Variants in ROBO1 observed in about 807,000 individuals in gnomAD.
ROBO1 encodes roundabout homolog 1.
A neutral mutation model predicts 195.9 loss-of-function variants in ROBO1; 149 were observed. The observed-to-expected ratio is 0.76, with a 90% CI of 0.67 to 0.87. The LOEUF is 0.87. Ranked by LOEUF, ROBO1 falls within the 40% of genes least tolerant of loss-of-function variation. The pLI, the probability that ROBO1 is intolerant of heterozygous loss-of-function variation, is 0.00. For synonymous variants in ROBO1, 816 were observed against 733.2 expected, an observed-to-expected ratio of 1.11 and a Z score of -1.82; for missense variants, 1,933 against 2,068.3, an observed-to-expected ratio of 0.93 and a Z score of 1.27.
At chr3:79,674,881 A>G (rs1208453589) in intron 1 of ROBO1, among the ~76,000 whole-genome samples, 10 of 150,608 alleles carry the variant, frequency 6.6e-5, no homozygotes, top group Non-Finnish European at 1.2e-4. Context: ...TACAGAAATA[A>G]AGAAACATTA....
chr3:79,397,376 C>T (rs2037196349), intron 2 of ROBO1, among the ~76,000 whole-genome samples: 2 of 152,036 alleles, frequency 1.3e-5, no homozygotes, highest in Admixed American at 1.3e-4. Context: ...ATGATCAATA[C>T]ATTTTTCCAG....
chr3:79,119,196 G>A (rs541199478), intron 3 of ROBO1, among the ~76,000 whole-genome samples: 349 of 152,202 alleles, frequency 2.3e-3, no homozygotes, highest in Admixed American at 2.5e-3. Context: ...TAATTTTTAA[G>A]AAATAATTAA....
At chr3:78,830,996 T>A (rs1322969870) in intron 4 of ROBO1, among the ~76,000 whole-genome samples, 1 of 152,092 alleles carries the variant, frequency 6.6e-6, no homozygotes, top group East Asian at 1.9e-4. Flanking sequence ...CACTGCAACC[T>A]CTGCCTCCCG....
At chr3:78,721,461 T>C (rs1042125063) in intron 5 of ROBO1, among the ~76,000 whole-genome samples, 1 of 152,292 alleles carries the variant, frequency 6.6e-6, no homozygotes, top group Non-Finnish European at 1.5e-5. Context: ...CCGAGCCTCT[T>C]CTTATGCCTC....
rs76740996 is a variant in ROBO1, at chr3:79,010,559, C to A, written c.173-71632G>T. Among the ~76,000 whole-genome samples the A allele has an allele frequency of 4.9e-3, 739 of 152,138 alleles. 7 individuals are homozygous for A. The highest frequency in any genetic ancestry group is 0.017 in the African/African-American group (708 of 41,526). The stretch of plus-strand genomic sequence containing the variant: ...TTCAGGTTCCGTGTATACAACTGGG[C>A]CTATACTACTACATCGATCATCATT... On this transcript the variant is annotated intron_variant, in intron 3 of 30. Transcript: ENST00000464233.
intron 30 of ROBO1, 28 bp downstream of exon 30, chr3:78,600,085 G>T: frequency 6.4e-7 from 1 of 1,565,428 alleles, no homozygotes; most frequent in South Asian, 1.1e-5. Flanking sequence ...GTCTAACATT[G>T]GTAAACTTGG....
intron 3 of ROBO1, among the ~76,000 whole-genome samples, chr3:79,096,115 A>G (rs1171216311): frequency 6.6e-6 from 1 of 152,042 alleles, no homozygotes; most frequent in African/African-American, 2.4e-5. Context: ...TCAAAGTTGT[A>G]TTCATTTTAT....
At chr3:79,082,829 C>A (rs912159321) in intron 3 of ROBO1, among the ~76,000 whole-genome samples, 1 of 151,902 alleles carries the variant, frequency 6.6e-6, no homozygotes, top group African/African-American at 2.4e-5. Context: ...TGGAGAGAGG[C>A]AGGTTGATGG....
In ROBO1 at chr3:79,456,414, A is replaced by G. The variant is rs1359446774; in HGVS notation, c.88+133410T>C. Among the ~76,000 whole-genome samples the G allele has an allele frequency of 2.6e-5, 4 of 152,158 alleles. No individual in the cohort carries two copies. The South Asian group carries it at 8.3e-4, about 32-fold the overall frequency. ...TACTCAAATACAAAGTGTATCAAAT[A>G]AAAGTTCTGTGTGTTAGCAATGGAG... On this transcript the variant is annotated intron_variant, in intron 2 of 30. Transcript: ENST00000464233.
intron 26 of ROBO1, among the ~76,000 whole-genome samples, chr3:78,619,041 G>C (rs1553683682): frequency 6.6e-6 from 1 of 152,198 alleles, no homozygotes; most frequent in South Asian, 2.1e-4. Context: ...TAAATTAAAA[G>C]AGTGCCATCA....
At chr3:79,248,809 T>C (rs1204989310) in intron 2 of ROBO1, among the ~76,000 whole-genome samples, 1 of 151,990 alleles carries the variant, frequency 6.6e-6, no homozygotes, top group African/African-American at 2.4e-5. Context: ...GGTGTGGGGG[T>C]TGATGGAAAG....
intron 2 of ROBO1, among the ~76,000 whole-genome samples, chr3:79,497,459 T>A (rs940658800): frequency 2.0e-5 from 3 of 152,204 alleles, no homozygotes; most frequent in Non-Finnish European, 2.9e-5. Context: ...CTTGTAATTA[T>A]GGTAACTGGA....
intron 2 of ROBO1, among the ~76,000 whole-genome samples, chr3:79,525,410 C>T (rs1424158088): frequency 2.0e-5 from 3 of 149,378 alleles, no homozygotes; most frequent in Non-Finnish European, 4.4e-5. Flanking sequence ...ATTTCCAGCT[C>T]CTACCATACC....
intron 2 of ROBO1, among the ~76,000 whole-genome samples, chr3:79,303,795 G>C (rs2033093847): frequency 6.6e-6 from 1 of 151,982 alleles, no homozygotes; most frequent in South Asian, 2.1e-4. Context: ...AACCATCCCA[G>C]CCTCTGAGAA....
chr3:78,629,596 T>C (rs1025152203), intron 25 of ROBO1, among the ~76,000 whole-genome samples: 1 of 152,218 alleles, frequency 6.6e-6, no homozygotes, highest in South Asian at 2.1e-4. Flanking sequence ...CTTGGGAGGC[T>C]GAGATGGGAG....
chr3:79,707,345 C>T (rs1049617881), intron 1 of ROBO1, among the ~76,000 whole-genome samples: 1 of 152,044 alleles, frequency 6.6e-6, no homozygotes, highest in African/African-American at 2.4e-5. Flanking sequence ...GAGTTATGTC[C>T]CCTTTTTCCT....
intron 3 of ROBO1, among the ~76,000 whole-genome samples, chr3:78,967,800 A>G (rs1001688779): frequency 9.9e-5 from 15 of 152,216 alleles, no homozygotes; most frequent in African/African-American, 3.6e-4. Flanking sequence ...AACTTATAAG[A>G]AAAGATGGAT....
chr3:79,536,125 A>G (rs1315129128), intron 2 of ROBO1, among the ~76,000 whole-genome samples: 1 of 152,130 alleles, frequency 6.6e-6, no homozygotes, highest in African/African-American at 2.4e-5. Flanking sequence ...ATAGGTGAGA[A>G]TTTAATTTTT....
intron 2 of ROBO1, among the ~76,000 whole-genome samples, chr3:79,214,601 G>A (rs1362033800): frequency 4.0e-5 from 6 of 151,432 alleles, no homozygotes; most frequent in Admixed American, 2.0e-4. Context: ...GTTAACTTAG[G>A]GAAAAGAAAA....
Sources: allele counts gnomAD v4.1 joint callset (sites outside exome capture counted in the v4.1 genomes callset), GRCh38; gene constraint gnomAD v4.1.1; transcripts MANE v1.5; gene names NCBI Gene and HGNC (gene_info 2026-07-23, HGNC 2026-07-21).